Variants in UNC5D observed in about 807,000 individuals in gnomAD.
The protein encoded by UNC5D is unc-5 netrin receptor D, also known as netrin receptor UNC5D.
UNC5D carries 39 observed loss-of-function variants against 105.4 expected under a neutral mutation model. The observed-to-expected ratio is 0.37, with a 90% CI of 0.29 to 0.48. The LOEUF is 0.48. UNC5D is among the 20% of genes least tolerant of loss of function. The probability of loss-of-function intolerance (pLI) is 0.98; values close to 1 mark genes in which losing one functional copy is unlikely to be tolerated. For synonymous variants in UNC5D, 452 were observed against 450.4 expected (o/e 1.00, Z -0.04); for missense variants, 991 against 1,202.4 (o/e 0.82, Z 2.60).
chr8:35,376,942 C>T (rs149220674), intron 1 of UNC5D, among the ~76,000 whole-genome samples: 1 of 152,284 alleles, frequency 6.6e-6, no homozygotes, highest in Non-Finnish European at 1.5e-5. Context: ...CCCCTCATCT[C>T]ATAGTGCACT....
chr8:35,575,631 G>T (rs900456929), intron 3 of UNC5D, among the ~76,000 whole-genome samples: 1 of 152,054 alleles, frequency 6.6e-6, no homozygotes, highest in Non-Finnish European at 1.5e-5. Flanking sequence ...ATATTCCCAT[G>T]GCATGGAACA....
At chr8:35,546,510 G>A (rs988263329) in intron 1 of UNC5D, among the ~76,000 whole-genome samples, 1 of 152,170 alleles carries the variant, frequency 6.6e-6, no homozygotes, top group Non-Finnish European at 1.5e-5. Context: ...ATGTCTGTAC[G>A]TGTCTGCTAA....
At chr8:35,424,572 A>G (rs1036804966) in intron 1 of UNC5D, among the ~76,000 whole-genome samples, 4 of 152,162 alleles carry the variant, frequency 2.6e-5, no homozygotes, top group Non-Finnish European at 5.9e-5. Context: ...GCTTTAAAAA[A>G]CAAGATTCCC....
intron 2 of UNC5D, among the ~76,000 whole-genome samples, chr8:35,562,452 T>C (rs1200186187): frequency 5.3e-5 from 8 of 152,080 alleles, no homozygotes; most frequent in African/African-American, 1.7e-4. Flanking sequence ...TCCCCAAAAA[T>C]GGTGTATGAG....
intron 8 of UNC5D, among the ~76,000 whole-genome samples, chr8:35,717,702 C>T (rs1586517704): frequency 2.6e-5 from 4 of 152,304 alleles, no homozygotes. Context: ...ATGGTAATAT[C>T]TAACCAGAGT....
intron 1 of UNC5D, among the ~76,000 whole-genome samples, chr8:35,327,994 G>A (rs1810304383): frequency 6.6e-6 from 1 of 152,138 alleles, no homozygotes; most frequent in South Asian, 2.1e-4. Context: ...GGAAAGTTGT[G>A]GTAAGGAAAG....
At chr8:35,552,098 A>G (rs1243100843) in intron 2 of UNC5D, among the ~76,000 whole-genome samples, 1 of 152,188 alleles carries the variant, frequency 6.6e-6, no homozygotes, top group Non-Finnish European at 1.5e-5. Flanking sequence ...TCAAATTGGA[A>G]TTAGTAGGAG....
intron 3 of UNC5D, among the ~76,000 whole-genome samples, chr8:35,594,909 T>A (rs1453145912): frequency 6.6e-6 from 1 of 152,226 alleles, no homozygotes; most frequent in African/African-American, 2.4e-5. Flanking sequence ...GTTTGCAAAG[T>A]GCCTGGAGCC....
chr8:35,596,064 G>A (rs922793724), intron 4 of UNC5D, among the ~76,000 whole-genome samples: 7 of 152,206 alleles, frequency 4.6e-5, no homozygotes, highest in African/African-American at 1.4e-4. Flanking sequence ...CAGTCCCAGT[G>A]TCACTGGTGT....
At chr8:35,236,592 C>G (rs1802487968) in intron 1 of UNC5D, among the ~76,000 whole-genome samples, 1 of 152,224 alleles carries the variant, frequency 6.6e-6, no homozygotes, top group Non-Finnish European at 1.5e-5. Context: ...CCCACCGAGC[C>G]GCAGGGAAAC....
At chr8:35,735,983 G>A (rs1289540679) in intron 11 of UNC5D, among the ~76,000 whole-genome samples, 1 of 152,156 alleles carries the variant, frequency 6.6e-6, no homozygotes. Context: ...GAGTTTTTAT[G>A]ATATGAATCT....
At chr8:35,524,640 C>CAAAAAAAAAAAAAA (rs113548648) in intron 1 of UNC5D, among the ~76,000 whole-genome samples, 3 of 70,930 alleles carry the variant, frequency 4.2e-5, no homozygotes, top group Non-Finnish European at 5.8e-5. Context: ...ATGCCCTGTG[C>CAAAAAAAAAAAAAA]AAAAAAAAAA....
chr8:35,568,612 C>A (rs143167735), intron 3 of UNC5D, among the ~76,000 whole-genome samples: 2,886 of 152,280 alleles, frequency 0.019, 36 homozygotes, highest in Middle Eastern at 0.041. Context: ...TCGCTTGAAC[C>A]CAGGAGGTGG....
intron 1 of UNC5D, among the ~76,000 whole-genome samples, chr8:35,358,832 T>G (rs1048555585): frequency 2.6e-5 from 4 of 152,220 alleles, no homozygotes; most frequent in Admixed American, 2.6e-4. Context: ...TATAAAATTA[T>G]AGAAACTAGT....
chr8:35,402,261 G>T (rs1275488202), intron 1 of UNC5D, among the ~76,000 whole-genome samples: 5 of 152,158 alleles, frequency 3.3e-5, no homozygotes, highest in African/African-American at 1.2e-4. Context: ...AGAAAAAGAG[G>T]TTTAATGAAC....
intron 1 of UNC5D, among the ~76,000 whole-genome samples, chr8:35,342,965 G>A (rs1232387419): frequency 2.6e-5 from 4 of 152,052 alleles, no homozygotes; most frequent in Non-Finnish European, 5.9e-5. Flanking sequence ...AGTCTTCTAA[G>A]CAGTGGTTTC....
intron 2 of UNC5D, among the ~76,000 whole-genome samples, chr8:35,561,281 C>T (rs1199549802): frequency 2.0e-5 from 3 of 152,118 alleles, no homozygotes; most frequent in African/African-American, 7.2e-5. Context: ...CGCCACAGAG[C>T]CCACTGACAT....
intron 1 of UNC5D, among the ~76,000 whole-genome samples, chr8:35,480,212 T>C (rs913399439): frequency 1.3e-5 from 2 of 152,214 alleles, no homozygotes; most frequent in African/African-American, 4.8e-5. Flanking sequence ...CAGTATATGG[T>C]TCCATTGCCA....
At chr8:35,348,400 G>A (rs1811956977) in intron 1 of UNC5D, among the ~76,000 whole-genome samples, 1 of 151,796 alleles carries the variant, frequency 6.6e-6, no homozygotes. Flanking sequence ...TACAAAGTCT[G>A]TTGGGGAGTA....
Sources: gnomAD v4.1 joint callset for allele counts (sites outside exome capture counted in the v4.1 genomes callset) on GRCh38, gnomAD v4.1.1 for gene constraint, MANE v1.5 for transcripts, NCBI Gene and HGNC (gene_info 2026-07-23, HGNC 2026-07-21) for gene names.